Variants in CFAP91 observed in about 807,000 individuals in gnomAD.
CFAP91 encodes cilia- and flagella-associated protein 91.
Under a neutral mutation model 95.9 loss-of-function variants are expected in CFAP91, and 85 were observed. The ratio of observed to expected loss-of-function variants is 0.89; its 90% CI spans 0.74 to 1.06. The LOEUF is 1.06. CFAP91 is among the 50% of genes least tolerant of loss of function. The pLI, the probability that CFAP91 is intolerant of heterozygous loss-of-function variation, is 0.00. For missense variants in CFAP91, 962 were observed against 943.4 expected, an observed-to-expected ratio of 1.02 and a Z score of -0.26; for synonymous variants, 335 against 327.5, an observed-to-expected ratio of 1.02 and a Z score of -0.25.
At chr3:119,708,493 C>T in intron 3 of CFAP91, 98 bp from the exon 4 acceptor site, 1 of 767,942 alleles carries the variant, frequency 1.3e-6, no homozygotes, top group East Asian at 2.8e-5. Flanking sequence ...GTATGAGATA[C>T]TCTGTGTAGG....
At chr3:119,714,726 T>C (rs35141348) in intron 5 of CFAP91, among the ~76,000 whole-genome samples, 23,806 of 152,172 alleles carry the variant, frequency 0.16, 2,027 homozygotes, top group Admixed American at 0.2. Flanking sequence ...TTTAAACTTT[T>C]TATCATATAT....
At chr3:119,713,124 TTTATTTA>T (rs2053506825) in intron 5 of CFAP91, 1 of 148,572 alleles carries the variant, frequency 6.7e-6, no homozygotes, top group Non-Finnish European at 1.5e-5. Context: ...TATTTATTTA[TTTATTTA>T]TTTTTTGAGA....
chr3:119,722,531 C>T (rs934621023), intron 6 of CFAP91, among the ~76,000 whole-genome samples: 4 of 152,112 alleles, frequency 2.6e-5, no homozygotes, highest in Non-Finnish European at 4.4e-5. Flanking sequence ...CTCTGTTGCC[C>T]AGGCTGAAGT....
At chr3:119,748,620 G>A (rs1388422138) in intron 16 of CFAP91, among the ~76,000 whole-genome samples, 1 of 152,186 alleles carries the variant, frequency 6.6e-6, no homozygotes, top group East Asian at 1.9e-4. Context: ...GGCTTAAGCA[G>A]AAAAATGCTT....
At chr3:119,719,062 T>A (rs1329891620) in intron 6 of CFAP91, among the ~76,000 whole-genome samples, 1 of 152,180 alleles carries the variant, frequency 6.6e-6, no homozygotes, top group Non-Finnish European at 1.5e-5. Flanking sequence ...AATGGATGAA[T>A]GAAATATAGT....
At chr3:119,732,818 G>C (rs2053928981) in intron 9 of CFAP91, among the ~76,000 whole-genome samples, 2 of 152,174 alleles carry the variant, frequency 1.3e-5, no homozygotes, top group African/African-American at 4.8e-5. Flanking sequence ...CTTTTATAAA[G>C]AAATGTCAAA....
chr3:119,717,590 G>A (rs1416206337), intron 6 of CFAP91, among the ~76,000 whole-genome samples: 7 of 129,796 alleles, frequency 5.4e-5, no homozygotes, highest in Non-Finnish European at 9.6e-5. Context: ...TTTATAACAA[G>A]TTAAAAGGAC....
At chr3:119,754,237 C>G (rs2054381037) in intron 17 of CFAP91, among the ~76,000 whole-genome samples, 1 of 152,116 alleles carries the variant, frequency 6.6e-6, no homozygotes, top group South Asian at 2.1e-4. Flanking sequence ...GAACTGTGTT[C>G]TAGTGTTTTA....
chr3:119,758,885 TTAAGCAAAA>T (rs2054483457), intron 17 of CFAP91, among the ~76,000 whole-genome samples: 1 of 152,062 alleles, frequency 6.6e-6, no homozygotes. Context: ...TGAACCGAAA[TTAAGCAAAA>T]TGTTATTCCC....
At chr3:119,740,456 A>G in intron 12 of CFAP91, 93 bp from the exon 13 acceptor site, 2 of 1,428,566 alleles carry the variant, frequency 1.4e-6, no homozygotes. Context: ...CCCACTGTTC[A>G]CAAGTGTCTC....
Position 119,730,191 on chromosome 3 carries a change from C to T in CFAP91, c.861-29C>T. ...TGCCCTCTGTTTGAGATGCCATATG[C>T]TTCTTTATGTTTTGTAATTTACTTG... is the stretch of plus-strand genomic sequence containing the variant. On this transcript the variant is annotated intron_variant, in intron 7 of 17. Coordinates refer to ENST00000273390, the MANE Select transcript of CFAP91 (RefSeq NM_033364.4). 3 of 1,603,722 alleles carry T rather than the reference C, an allele frequency of 1.9e-6. No individual in the cohort carries two copies. In the East Asian group the frequency reaches 6.7e-5, roughly 36 times the overall value.
At chr3:119,747,766 G>C in intron 15 of CFAP91, 45 bp from the exon 16 acceptor site, 2 of 1,542,146 alleles carry the variant, frequency 1.3e-6, no homozygotes, top group Non-Finnish European at 1.8e-6. Flanking sequence ...AGCAGCTCAA[G>C]TGAAAAAACC....
chr3:119,717,569 T>C lies in CFAP91; in HGVS notation c.682+1826T>C, dbSNP rs541608477. ...ACGTTGGTTTTTTTTTTTTTTTTTT[T>C]CACAAACATCTTTATAACAAGTTAA... On this transcript the variant is annotated intron_variant, in intron 6 of 17. Transcript: ENST00000273390. 3.6e-3 allele frequency among the ~76,000 whole-genome samples: 524 copies of C among 145,792 alleles called. 5 individuals are homozygous for C. The highest frequency in any genetic ancestry group is 0.011 in the African/African-American group (410 of 38,902).
chr3:119,725,522 G>A (rs181222657), intron 6 of CFAP91, among the ~76,000 whole-genome samples: 271 of 152,348 alleles, frequency 1.8e-3, no homozygotes, highest in South Asian at 4.4e-3. Flanking sequence ...GGGAGGCTGA[G>A]GCGGAAGAAT....
chr3:119,742,914 G>A (rs2054147171), intron 13 of CFAP91, among the ~76,000 whole-genome samples: 2 of 152,158 alleles, frequency 1.3e-5, no homozygotes, highest in South Asian at 2.1e-4. Flanking sequence ...CTGAGAAGGT[G>A]GCATGTGACT....
intron 10 of CFAP91, among the ~76,000 whole-genome samples, chr3:119,734,608 T>C (rs2053965799): frequency 6.6e-6 from 1 of 152,236 alleles, no homozygotes; most frequent in African/African-American, 2.4e-5. Context: ...TATCCTTGCA[T>C]ACCTGGGATG....
intron 17 of CFAP91, among the ~76,000 whole-genome samples, chr3:119,752,821 A>G (rs779272982): frequency 1.3e-5 from 2 of 152,198 alleles, no homozygotes; most frequent in Non-Finnish European, 2.9e-5. Flanking sequence ...ATATATGATA[A>G]TTATAAAATC....
intron 14 of CFAP91, 64 bp downstream of exon 14, chr3:119,744,260 C>A: frequency 1.5e-6 from 2 of 1,315,132 alleles, no homozygotes; most frequent in Non-Finnish European, 2.1e-6. Context: ...CCAAAGGAAG[C>A]TCATGACATA....
chr3:119,715,551 T>A lies in CFAP91; in HGVS notation c.501-11T>A. The A allele has an allele frequency of 1.2e-6, 2 of 1,611,954 alleles. No homozygotes were observed. The highest frequency in any genetic ancestry group is 1.7e-6 in the Non-Finnish European group (2 of 1,178,556). ...CAGGTTTCAATTTTTAAACTGATTT[T>A]TCTCTTTTAGGGCAGAACCATACAC... On this transcript the variant is annotated splice_polypyrimidine_tract_variant and intron_variant, in intron 5 of 17. Coordinates refer to ENST00000273390, the MANE Select transcript of CFAP91 (RefSeq NM_033364.4).
Sources: gnomAD v4.1 joint callset for allele counts (sites outside exome capture counted in the v4.1 genomes callset) on GRCh38, gnomAD v4.1.1 for gene constraint, MANE v1.5 for transcripts, NCBI Gene and HGNC (gene_info 2026-07-23, HGNC 2026-07-21) for gene names.